RBBP8: variants seen among roughly 807,000 people sequenced by gnomAD.
RBBP8 encodes the protein RB binding protein 8, endonuclease, also known as DNA endonuclease RBBP8.
RBBP8 carries 88 observed loss-of-function variants against 108.3 expected under a neutral mutation model. The ratio of observed to expected loss-of-function variants is 0.81; its 90% CI spans 0.68 to 0.97. RBBP8 has a LOEUF of 0.97. RBBP8 is among the 50% of genes least tolerant of loss of function. The probability of loss-of-function intolerance (pLI) is 0.00; values close to 1 mark genes in which losing one functional copy is unlikely to be tolerated. For synonymous variants in RBBP8, 332 were observed against 348.2 expected (o/e 0.95, Z 0.52); for missense variants, 1,023 against 1,049.0 (o/e 0.98, Z 0.34).
rs895677231 is a variant in RBBP8, at chr18:22,993,284, T to A, written c.1457T>A (p.Val486Glu). Residue 486 changes from valine (V) to glutamate (E), a missense_variant, in exon 11 of 19, where the codon GTG becomes GAG. Coordinates refer to ENST00000327155, the MANE Select transcript of RBBP8 (RefSeq NM_002894.3). ...DNQFSMNGDC[V>E]MDKPLDLSDR... ...CAGTTTTCCATGAATGGAGACTGTG[T>A]GATGGATAAACCTCTGGATCTGTCT... 4.3e-6 allele frequency: 7 copies of A among 1,614,104 alleles called. No homozygotes were observed. In the African/African-American group the frequency reaches 5.3e-5, roughly 12 times the overall value.
rs1420420499 is a variant in RBBP8, at chr18:22,993,854, A to G, written c.1939+7A>G. 3.1e-6 allele frequency: 5 copies of G among 1,611,128 alleles called. No individual in the cohort carries two copies. In the South Asian group the frequency reaches 4.4e-5, roughly 14 times the overall value. The stretch of plus-strand genomic sequence containing the variant: ...TCTCTACAAAACAACCAAGGTGTGT[A>G]CACCATAAACAGGATCTCCACTTTT... On this transcript the variant is annotated splice_region_variant and intron_variant, in intron 12 of 18. Coordinates refer to ENST00000327155, the MANE Select transcript of RBBP8 (RefSeq NM_002894.3).
intron 2 of RBBP8, among the ~76,000 whole-genome samples, chr18:22,916,060 A>G (rs1417842158): frequency 3.9e-5 from 6 of 152,116 alleles, no homozygotes; most frequent in Non-Finnish European, 8.8e-5. Context: ...AACTGAGGAT[A>G]TATAAATTTG....
intron 3 of RBBP8, among the ~76,000 whole-genome samples, chr18:22,917,635 A>G (rs190638082): frequency 2.6e-5 from 4 of 152,306 alleles, no homozygotes; most frequent in Admixed American, 2.6e-4. Context: ...AGAGAAGTCA[A>G]CTTTAACTTA....
intron 4 of RBBP8, among the ~76,000 whole-genome samples, chr18:22,955,382 G>A (rs1912427745): frequency 6.6e-6 from 1 of 152,052 alleles, no homozygotes; most frequent in African/African-American, 2.4e-5. Context: ...ATTTAATTAA[G>A]CTGAAGATCT....
At chr18:22,962,311 C>G (rs1913172620) in intron 4 of RBBP8, among the ~76,000 whole-genome samples, 1 of 151,988 alleles carries the variant, frequency 6.6e-6, no homozygotes, top group African/African-American at 2.4e-5. Flanking sequence ...CTTTAATAGT[C>G]CAGGCACTTT....
chr18:22,956,574 T>G (rs1367382323), intron 4 of RBBP8, among the ~76,000 whole-genome samples: 1 of 152,184 alleles, frequency 6.6e-6, no homozygotes, highest in East Asian at 1.9e-4. Context: ...TGGCCTCAAG[T>G]GATCCTCCTG....
At chr18:22,985,042 G>A (rs1915225093) in intron 8 of RBBP8, 52 bp downstream of exon 8, 9 of 1,604,808 alleles carry the variant, frequency 5.6e-6, no homozygotes, top group Non-Finnish European at 7.7e-6. Flanking sequence ...GGTTATTGGT[G>A]GGTAACAGTG....
intron 4 of RBBP8, among the ~76,000 whole-genome samples, chr18:22,966,213 C>T (rs1187697852): frequency 6.6e-6 from 1 of 152,084 alleles, no homozygotes; most frequent in African/African-American, 2.4e-5. Flanking sequence ...GAAATAGTTG[C>T]AAGTGTTGAC....
At chr18:22,957,607 G>C (rs1477919086) in intron 4 of RBBP8, among the ~76,000 whole-genome samples, 2 of 151,898 alleles carry the variant, frequency 1.3e-5, no homozygotes, top group African/African-American at 2.4e-5. Flanking sequence ...CCCTTTACCT[G>C]TTACATAGCT....
At chr18:22,988,859 G>T (rs780249780) in intron 8 of RBBP8, among the ~76,000 whole-genome samples, 47 of 152,172 alleles carry the variant, frequency 3.1e-4, no homozygotes, top group Admixed American at 3.9e-4. Context: ...TTTCATGAAA[G>T]AGAGCGTAAA....
rs1915215406 is a variant in RBBP8 at position 22,984,918 on chromosome 18, C to T, written c.637C>T (p.Pro213Ser). The T allele has an allele frequency of 6.2e-7, 1 of 1,609,736 alleles. No individual in the cohort carries two copies. Among genetic ancestry groups the T allele is most frequent in the African/African-American group, 1.3e-5 (1 of 74,838 alleles). The part of the protein sequence containing the change: ...MRKVSKSSTH[P>S]QHNPNENEIL... ...AAAAGTTTCCAAGTCTTCAACTCAT[C>T]CACAACATAATCCTAATGAAAATGA... Residue 213 changes from proline (P) to serine (S), a missense_variant, in exon 8 of 19, where the codon CCA becomes TCA. Physicochemically the swap from Pro to Ser is moderately conservative, Grantham distance 74. Coordinates refer to ENST00000327155, the MANE Select transcript of RBBP8 (RefSeq NM_002894.3).
intron 4 of RBBP8, among the ~76,000 whole-genome samples, chr18:22,960,773 T>A (rs1913027811): frequency 6.6e-6 from 1 of 152,178 alleles, no homozygotes; most frequent in Non-Finnish European, 1.5e-5. Flanking sequence ...TTTAGTATCC[T>A]GAAATGAAAT....
At chr18:22,929,556 G>GTGTA (rs1909943031), upstream of RBBP8, 1 of 142,806 alleles carries the variant, frequency 7.0e-6, no homozygotes, top group African/African-American at 2.6e-5. Flanking sequence ...GTGTGTATGT[G>GTGTA]TGTGTGTTTA....
chr18:22,993,930 T>C, intron 12 of RBBP8, 83 bp downstream of exon 12: 3 of 1,445,900 alleles, frequency 2.1e-6, no homozygotes, highest in Admixed American at 3.8e-5. Flanking sequence ...ATAGATTGAA[T>C]TGTTTTGGAA....
At chr18:23,011,717 G>A (rs1377662926) in intron 16 of RBBP8, among the ~76,000 whole-genome samples, 1 of 152,080 alleles carries the variant, frequency 6.6e-6, no homozygotes, top group East Asian at 1.9e-4. Context: ...GGGATCACAG[G>A]CGTGAGCCAC....
At chr18:23,004,271 GTA>G (rs56071878) in intron 15 of RBBP8, among the ~76,000 whole-genome samples, 2,717 of 150,390 alleles carry the variant, frequency 0.018, 85 homozygotes, top group African/African-American at 0.063. Context: ...CTAGATAGGT[GTA>G]TATATATATA....
intron 1 of RBBP8, among the ~76,000 whole-genome samples, chr18:22,934,523 TTTA>T (rs1002111947): frequency 1.3e-5 from 2 of 152,092 alleles, no homozygotes; most frequent in African/African-American, 4.8e-5. Context: ...TTTTCTTTAT[TTTA>T]TTATTATTTT....
At chr18:22,929,981 T>C (rs1057356368), upstream of RBBP8, among the ~76,000 whole-genome samples, 2 of 152,176 alleles carry the variant, frequency 1.3e-5, no homozygotes, top group Admixed American at 6.5e-5. Flanking sequence ...TGATACGTCA[T>C]TTTCCCTTCA....
chr18:22,994,552 G>T (rs1467180364), intron 12 of RBBP8, among the ~76,000 whole-genome samples: 1 of 148,996 alleles, frequency 6.7e-6, no homozygotes, highest in African/African-American at 2.4e-5. Context: ...TGAGGCAGGA[G>T]AATGGTGTGA....
Sources: gnomAD v4.1 joint callset for allele counts (sites outside exome capture counted in the v4.1 genomes callset) on GRCh38, gnomAD v4.1.1 for gene constraint, MANE v1.5 for transcripts, NCBI Gene and HGNC (gene_info 2026-07-23, HGNC 2026-07-21) for gene names.